SCARA5: variants seen among roughly 807,000 people sequenced by gnomAD.
SCARA5 encodes scavenger receptor class A member 5.
In SCARA5, 45 loss-of-function variants were observed where a neutral mutation model predicts 46.3. That is an observed-to-expected ratio of 0.97 (90% CI 0.76 to 1.24). The LOEUF (loss-of-function observed/expected upper bound fraction) is 1.24. Ranked by LOEUF, SCARA5 falls within the 50% of genes most tolerant of loss-of-function variation. The pLI is 0.00. For missense variants in SCARA5, 680 were observed against 689.0 expected (o/e 0.99, Z 0.15); for synonymous variants, 333 against 306.5 (o/e 1.09, Z -0.90).
At chr8:27,945,692 A>G (rs1808024949) in intron 3 of SCARA5, among the ~76,000 whole-genome samples, 1 of 152,190 alleles carries the variant, frequency 6.6e-6, no homozygotes, top group Non-Finnish European at 1.5e-5. Flanking sequence ...TGGTCCCCCT[A>G]TAGCACCCCA....
At chr8:27,969,063 C>T (rs557232170) in intron 2 of SCARA5, among the ~76,000 whole-genome samples, 22 of 152,222 alleles carry the variant, frequency 1.4e-4, no homozygotes, top group Non-Finnish European at 2.4e-4. Flanking sequence ...AATGGTTAGA[C>T]AAGCAGAACA....
At chr8:27,977,449 C>T in intron 2 of SCARA5, among the ~76,000 whole-genome samples, 1 of 152,206 alleles carries the variant, frequency 6.6e-6, no homozygotes, top group Non-Finnish European at 1.5e-5. Flanking sequence ...AGCCGTGAAA[C>T]CTCATTCCCT....
chr8:27,899,009 G>A (rs180996203), intron 7 of SCARA5, among the ~76,000 whole-genome samples: 3 of 152,340 alleles, frequency 2.0e-5, no homozygotes, highest in East Asian at 3.9e-4. Flanking sequence ...CTCTGTTCCC[G>A]AGTTGTGTCC....
chr8:27,934,471 G>A (rs1403624530), intron 3 of SCARA5, among the ~76,000 whole-genome samples: 2 of 152,188 alleles, frequency 1.3e-5, no homozygotes, highest in African/African-American at 4.8e-5. Flanking sequence ...AGCTCCAGGG[G>A]CATCATGAGA....
chr8:27,907,005 T>C (rs1391336431), intron 6 of SCARA5, 143 bp downstream of exon 6: 1 of 539,020 alleles, frequency 1.9e-6, no homozygotes, highest in Non-Finnish European at 3.3e-6. Flanking sequence ...AACTAAATGC[T>C]TTAACAAGAT....
At position 27,922,242 on chromosome 8, in the gene SCARA5, G is replaced by C. The variant is rs1807610037; in HGVS notation, c.245C>G (p.Ser82Cys). Residue 82 changes from serine (S) to cysteine (C), a missense_variant, in exon 4 of 9, where the codon TCC becomes TGC. Ser to Cys is a moderately radical substitution (Grantham distance 112). Transcript: ENST00000354914. ...GTCGTCAGGGGAGCTGCGCGGCCTG[G>C]ACACTGCGGAGGAGGAAGAGGGGAG... ...ILVGIFILAV[S>C]RPRSSPDDLK... The C allele has an allele frequency of 3.2e-6, 5 of 1,545,108 alleles. No homozygotes were observed. In the East Asian group the frequency reaches 9.4e-5, roughly 29 times the overall value.
At chr8:27,875,035 T>C (rs1806700074) in intron 8 of SCARA5, among the ~76,000 whole-genome samples, 1 of 152,200 alleles carries the variant, frequency 6.6e-6, no homozygotes, top group South Asian at 2.1e-4. Context: ...AGGAGAAATG[T>C]TATGGTGCCA....
At chr8:27,881,449 A>G (rs1806811191) in intron 7 of SCARA5, among the ~76,000 whole-genome samples, 1 of 151,554 alleles carries the variant, frequency 6.6e-6, no homozygotes, top group African/African-American at 2.4e-5. Context: ...TTAATGCAGG[A>G]ACAGAACACC....
chr8:27,879,960 A>C (rs1806785947), intron 7 of SCARA5, among the ~76,000 whole-genome samples, 194 bp from the exon 8 acceptor site: 1 of 152,244 alleles, frequency 6.6e-6, no homozygotes, highest in Admixed American at 6.5e-5. Flanking sequence ...TTAAAAAAAT[A>C]GCCTTTTTCA....
chr8:27,980,014 G>A (rs1808589304), intron 2 of SCARA5, among the ~76,000 whole-genome samples: 1 of 152,166 alleles, frequency 6.6e-6, no homozygotes. Context: ...GGCCCACTGA[G>A]TCACATTTAG....
At chr8:27,913,928 C>T (rs998439317) in intron 4 of SCARA5, among the ~76,000 whole-genome samples, 1 of 152,204 alleles carries the variant, frequency 6.6e-6, no homozygotes, top group African/African-American at 2.4e-5. Context: ...TCCTAAGAGT[C>T]CAGTCCCTCT....
At chr8:27,951,439 T>G (rs937926085) in intron 3 of SCARA5, among the ~76,000 whole-genome samples, 2 of 152,090 alleles carry the variant, frequency 1.3e-5, no homozygotes, top group African/African-American at 4.8e-5. Context: ...AAAGTAGACA[T>G]GGGTTTTCTT....
chr8:27,873,298 C>T (rs1015387093), intron 8 of SCARA5, among the ~76,000 whole-genome samples: 2 of 152,140 alleles, frequency 1.3e-5, no homozygotes, highest in African/African-American at 4.8e-5. Flanking sequence ...TTTTGCTGCC[C>T]CAACACTTCA....
intron 7 of SCARA5, among the ~76,000 whole-genome samples, chr8:27,892,606 C>CTTTTTTTTTTT (rs1230257718): frequency 2.4e-5 from 3 of 127,034 alleles, no homozygotes; most frequent in African/African-American, 3.2e-5. Flanking sequence ...ATACCTCACC[C>CTTTTTTTTTTT]TTTTTTTTTT....
At chr8:27,943,403 C>T (rs1807982551) in intron 3 of SCARA5, among the ~76,000 whole-genome samples, 1 of 152,292 alleles carries the variant, frequency 6.6e-6, no homozygotes, top group South Asian at 2.1e-4. Context: ...TGCACTCCAG[C>T]CTGGGTGACG....
chr8:27,932,514 T>C (rs1807791596), intron 3 of SCARA5, among the ~76,000 whole-genome samples: 1 of 152,248 alleles, frequency 6.6e-6, no homozygotes, highest in South Asian at 2.1e-4. Flanking sequence ...GCTAGAAGTC[T>C]GAGATCAAGG....
intron 2 of SCARA5, among the ~76,000 whole-genome samples, chr8:27,968,881 A>G (rs1808408153): frequency 6.6e-6 from 1 of 152,180 alleles, no homozygotes; most frequent in Non-Finnish European, 1.5e-5. Context: ...TGAGGCTTCT[A>G]TTTAATAGCA....
intron 3 of SCARA5, among the ~76,000 whole-genome samples, chr8:27,942,336 A>G (rs1341910650): frequency 6.6e-6 from 1 of 152,102 alleles, no homozygotes; most frequent in Non-Finnish European, 1.5e-5. Flanking sequence ...GGCCCCCACT[A>G]CTGCTCTCCC....
At chr8:27,904,925 C>A in intron 6 of SCARA5, 91 bp from the exon 7 acceptor site, 2 of 1,148,260 alleles carry the variant, frequency 1.7e-6, no homozygotes, top group Non-Finnish European at 2.5e-6. Context: ...GAACTCGAGA[C>A]CAGAGAAACC....
Sources: allele counts gnomAD v4.1 joint callset (sites outside exome capture counted in the v4.1 genomes callset), GRCh38; gene constraint gnomAD v4.1.1; transcripts MANE v1.5; gene names NCBI Gene and HGNC (gene_info 2026-07-23, HGNC 2026-07-21).